DHX57: variants seen among roughly 807,000 people sequenced by gnomAD.
DHX57 encodes the protein DExH-box helicase 57, also known as putative ATP-dependent RNA helicase DHX57.
DHX57 carries 105 observed loss-of-function variants against 156.2 expected under a neutral mutation model. The ratio of observed to expected loss-of-function variants is 0.67; its 90% confidence interval spans 0.57 to 0.79. The LOEUF is 0.79. Among genes scored for constraint, DHX57 ranks in the 30% least tolerant of loss-of-function variants. The probability of loss-of-function intolerance (pLI) is 0.00; values close to 1 mark genes in which losing one functional copy is unlikely to be tolerated. For synonymous variants in DHX57, 704 were observed against 595.6 expected (o/e 1.18, Z -2.65); for missense variants, 1,847 against 1,661.9 (o/e 1.11, Z -1.94).
chr2:38,874,824 C>T (rs551744159), intron 1 of DHX57, among the ~76,000 whole-genome samples: 293 of 152,242 alleles, frequency 1.9e-3, no homozygotes, highest in Non-Finnish European at 3.6e-3. Flanking sequence ...AATGTAGAGT[C>T]ATTAAAATCT....
At chr2:38,868,654 A>C (rs1448730380) in intron 1 of DHX57, among the ~76,000 whole-genome samples, 1 of 152,180 alleles carries the variant, frequency 6.6e-6, no homozygotes, top group Admixed American at 6.5e-5. Flanking sequence ...ATTTATAAGC[A>C]CTTCTACCTC....
intron 8 of DHX57, 104 bp from the exon 9 acceptor site, chr2:38,854,282 C>T (rs967319685): frequency 1.2e-5 from 14 of 1,200,278 alleles, no homozygotes; most frequent in Admixed American, 2.4e-5. Flanking sequence ...ATATTGGAAA[C>T]ACCAGCAGTT....
At chr2:38,802,587 C>T (rs1368912150) in intron 23 of DHX57, 128 bp downstream of exon 23, 9 of 1,199,674 alleles carry the variant, frequency 7.5e-6, no homozygotes, top group African/African-American at 3.0e-5. Flanking sequence ...TGGGCTCGGC[C>T]ACCGTCATTC....
At chr2:38,826,788 G>T in intron 14 of DHX57, 99 bp from the exon 15 acceptor site, 1 of 1,318,348 alleles carries the variant, frequency 7.6e-7, no homozygotes, top group Non-Finnish European at 1.0e-6. Flanking sequence ...ATGACTTCAG[G>T]TATTAGCAAC....
intron 22 of DHX57, among the ~76,000 whole-genome samples, chr2:38,804,367 G>A (rs971636976): frequency 6.6e-6 from 1 of 152,092 alleles, no homozygotes; most frequent in Non-Finnish European, 1.5e-5. Context: ...ACACATGCCT[G>A]TAATCCCAGC....
chr2:38,799,041 G>A (rs999311092), intron 23 of DHX57, among the ~76,000 whole-genome samples: 2 of 151,764 alleles, frequency 1.3e-5, no homozygotes, highest in Admixed American at 1.3e-4. Context: ...TTTATTCCAC[G>A]AGGAGAAGCA....
intron 21 of DHX57, among the ~76,000 whole-genome samples, chr2:38,809,422 C>T (rs1370652595): frequency 6.6e-6 from 1 of 151,298 alleles, no homozygotes; most frequent in Non-Finnish European, 1.5e-5. Context: ...CCAGTTTTGC[C>T]AATTTAAAAA....
At chr2:38,865,092 C>T (rs992947270) in intron 2 of DHX57, among the ~76,000 whole-genome samples, 1 of 152,116 alleles carries the variant, frequency 6.6e-6, no homozygotes, top group Non-Finnish European at 1.5e-5. Flanking sequence ...CTTCTCAATC[C>T]CCTTTGTTTT....
In DHX57 at chr2:38,875,862, G is replaced by A. The variant is rs74753605; in HGVS notation, c.-82C>T. ...GGGTCAGAGGTCCAAACTGGACTTG[G>A]CCACCCTCACGATTCTCACTTGGAG... On this transcript the variant is annotated 5_prime_UTR_variant, in exon 1 of 24. Coordinates refer to ENST00000457308, the MANE Select transcript of DHX57 (RefSeq NM_198963.3). The A allele has an allele frequency of 4.2e-3, 1,646 of 394,966 alleles. 24 individuals carry two copies. Among genetic ancestry groups the A allele is most frequent in the African/African-American group, 0.031 (1,530 of 48,672 alleles). The allele number at this position is 394,966 out of a possible 1,614,324, so 24.5% of individuals were successfully genotyped here.
chr2:38,835,603 C>G (rs990573547), intron 13 of DHX57, among the ~76,000 whole-genome samples: 1 of 152,082 alleles, frequency 6.6e-6, no homozygotes, highest in Admixed American at 6.6e-5. Context: ...CCTCTATATG[C>G]GGAGTTCATG....
intron 2 of DHX57, among the ~76,000 whole-genome samples, chr2:38,863,954 G>C (rs879447971): frequency 6.6e-6 from 1 of 151,868 alleles, no homozygotes; most frequent in Non-Finnish European, 1.5e-5. Context: ...AGAGGTTGCA[G>C]TAAGCCAAGA....
Position 38,799,944 on chromosome 2 carries a change from T to G in DHX57, c.4018-1502A>C, listed in dbSNP as rs545906184. ...GGCTCATGCCTGTAATCCCAGCACT[T>G]TGGGAGGCCAAGGCGGGCAGATCAC... is the stretch of plus-strand genomic sequence containing the variant. On this transcript the variant is annotated intron_variant, in intron 23 of 23. Coordinates refer to ENST00000457308, the MANE Select transcript of DHX57 (RefSeq NM_198963.3). Among the ~76,000 whole-genome samples, 5 of 151,978 alleles carry G rather than the reference T, an allele frequency of 3.3e-5. No homozygotes were observed. In the South Asian group the frequency reaches 6.2e-4, roughly 19 times the overall value.
At position 38,861,154 on chromosome 2, in the gene DHX57, G is replaced by A. The variant is rs779943066; in HGVS notation, c.1256C>T (p.Ser419Leu). The A allele has an allele frequency of 1.6e-5, 26 of 1,613,992 alleles. No individual in the cohort carries two copies. Among genetic ancestry groups the A allele is most frequent in the Middle Eastern group, 3.3e-4 (2 of 6,082 alleles). Residue 419 changes from serine (S) to leucine (L), a missense_variant, in exon 5 of 24, where the codon TCG becomes TTG. Coordinates refer to ENST00000457308, the MANE Select transcript of DHX57 (RefSeq NM_198963.3). ...ATTCGTTAGTAACTTGACTATTTCC[G>A]ACTCTTCCTCTAAAAGGGTTATCAA... ...YSLITLLEEE[S>L]EIVKLLTNTH...
At chr2:38,842,895 GC>G (rs891234814) in intron 12 of DHX57, 109 bp downstream of exon 12, 1 of 1,137,908 alleles carries the variant, frequency 8.8e-7, no homozygotes, top group African/African-American at 1.5e-5. Context: ...TGAATTAAAG[GC>G]AATGTAACTA....
chr2:38,847,725 A>G (rs1189999827), intron 10 of DHX57, among the ~76,000 whole-genome samples: 4 of 152,238 alleles, frequency 2.6e-5, no homozygotes, highest in African/African-American at 9.6e-5. Context: ...TTGATGTTAA[A>G]CACAATGGAA....
chr2:38,798,245 T>G lies in DHX57; in HGVS notation c.*54A>C. The G allele has an allele frequency of 6.4e-7, 1 of 1,569,194 alleles. No homozygotes were observed. Among genetic ancestry groups the G allele is most frequent in the Non-Finnish European group, 8.6e-7 (1 of 1,159,690 alleles). On this transcript the variant is annotated 3_prime_UTR_variant, in exon 24 of 24. Coordinates refer to ENST00000457308, the MANE Select transcript of DHX57 (RefSeq NM_198963.3). ...GTTCGAGGTAGAGGTTCTGCTGTTA[T>G]TTCCCAGGTGAGCTAGAAGCAGGTG...
At chr2:38,836,585 C>A (rs965919178) in intron 13 of DHX57, among the ~76,000 whole-genome samples, 20 of 151,974 alleles carry the variant, frequency 1.3e-4, no homozygotes, top group Admixed American at 3.9e-4. Flanking sequence ...ACCAGACTGG[C>A]CAACATGGCA....
Position 38,826,689 on chromosome 2 carries a change from T to C in DHX57, c.2640A>G (p.Arg880=), listed in dbSNP as rs1244647528. 1 of 1,613,448 alleles carries C rather than the reference T, an allele frequency of 6.2e-7. No individual in the cohort carries two copies. Among genetic ancestry groups the C allele is most frequent in the South Asian group, 1.1e-5 (1 of 91,014 alleles). The part of the protein sequence containing the change: ...NSLFNNRRSN[R]CVIHPLHSSL... The stretch of plus-strand genomic sequence containing the variant: ...ATGAATGAAGTGGGTGAATAACACA[T>C]CTGGAAGGAAATAAAAGCACATGAA... The change falls in exon 15 of 24, where the codon CGA becomes CGG. Residue 880 remains arginine (R), a splice_region_variant and synonymous_variant. Transcript: ENST00000457308.
Position 38,826,683 on chromosome 2 carries a change from A to C in DHX57, c.2646T>G (p.Val882=). 1 of 1,613,962 alleles carries C rather than the reference A, an allele frequency of 6.2e-7. No individual in the cohort carries two copies. The highest frequency in any genetic ancestry group is 8.5e-7 in the Non-Finnish European group (1 of 1,179,872). ...LFNNRRSNRC[V]IHPLHSSLSS... ...ATAAAGATGAATGAAGTGGGTGAAT[A>C]ACACATCTGGAAGGAAATAAAAGCA... Residue 882 remains valine (V), a synonymous_variant, in exon 15 of 24, where the codon GTT becomes GTG. Coordinates refer to ENST00000457308, the MANE Select transcript of DHX57 (RefSeq NM_198963.3).
Sources: gnomAD v4.1 joint callset for allele counts (sites outside exome capture counted in the v4.1 genomes callset) on GRCh38, gnomAD v4.1.1 for gene constraint, MANE v1.5 for transcripts, NCBI Gene and HGNC (gene_info 2026-07-23, HGNC 2026-07-21) for gene names.